Variants in KCNQ5 observed in about 807,000 individuals in gnomAD.
The protein encoded by KCNQ5 is potassium voltage-gated channel subfamily KQT member 5.
Under a neutral mutation model 98.2 loss-of-function variants are expected in KCNQ5, and 30 were observed. The ratio of observed to expected loss-of-function variants is 0.31; its 90% CI spans 0.23 to 0.41. The LOEUF (loss-of-function observed/expected upper bound fraction) is 0.41. Ranked by LOEUF, KCNQ5 falls within the 10% of genes least tolerant of loss-of-function variation. KCNQ5 has a pLI of 1.00. For synonymous variants in KCNQ5, 458 were observed against 449.4 expected (o/e 1.02, Z -0.24); for missense variants, 835 against 1,182.5 (o/e 0.71, Z 4.31).
intron 10 of KCNQ5, chr6:73,157,735 C>T: frequency 1.3e-6 from 1 of 777,580 alleles, no homozygotes. Flanking sequence ...ATAGGGGTCC[C>T]GAGCGATGAA....
rs918993720 is a variant in KCNQ5, at chr6:73,198,411, A to C, written c.*2997A>C. 1 of 152,328 alleles carries C rather than the reference A, an allele frequency of 6.6e-6. No individual in the cohort carries two copies. Among genetic ancestry groups the C allele is most frequent in the East Asian group, 1.9e-4 (1 of 5,190 alleles). The allele number at this position is 152,328 out of a possible 1,614,324, so 9.4% of individuals were successfully genotyped here. On this transcript the variant is annotated 3_prime_UTR_variant, in exon 14 of 14. Coordinates refer to ENST00000370398, the MANE Select transcript of KCNQ5 (RefSeq NM_019842.4). ...TGCCTTTCTCACCTCCCATTGATTC[A>C]GTGATTCTGAAGTTCTTAATTTGCA...
intron 1 of KCNQ5, among the ~76,000 whole-genome samples, chr6:72,689,826 C>T (rs1582119272): frequency 6.9e-6 from 1 of 145,896 alleles, no homozygotes; most frequent in East Asian, 2.0e-4. Context: ...AAGTGAAAAA[C>T]AAAACAAAAA....
chr6:73,002,627 G>T (rs774790386), intron 1 of KCNQ5, among the ~76,000 whole-genome samples: 1 of 152,182 alleles, frequency 6.6e-6, no homozygotes, highest in Non-Finnish European at 1.5e-5. Context: ...AGGAATAAAT[G>T]TGGTGGGGTC....
intron 1 of KCNQ5, among the ~76,000 whole-genome samples, chr6:72,790,677 T>C (rs1283981569): frequency 6.6e-6 from 1 of 152,158 alleles, no homozygotes; most frequent in Non-Finnish European, 1.5e-5. Context: ...ATCAGATTGT[T>C]TGTAACACAA....
chr6:72,823,206 CAT>C (rs1183671965), intron 1 of KCNQ5, among the ~76,000 whole-genome samples: 43 of 152,036 alleles, frequency 2.8e-4, no homozygotes, highest in African/African-American at 1.0e-3. Flanking sequence ...TGAAAATAAA[CAT>C]GTTAATATTT....
intron 1 of KCNQ5, among the ~76,000 whole-genome samples, chr6:72,646,012 A>G (rs1366503286): frequency 2.0e-5 from 3 of 152,130 alleles, no homozygotes; most frequent in African/African-American, 4.8e-5. Context: ...AGCTGAAGCC[A>G]AGCTGACTGA....
intron 5 of KCNQ5, among the ~76,000 whole-genome samples, chr6:73,090,229 T>G (rs1242165354): frequency 6.6e-6 from 1 of 152,156 alleles, no homozygotes. Context: ...TGTCTATTCA[T>G]GTCCTTAGCC....
intron 1 of KCNQ5, among the ~76,000 whole-genome samples, chr6:72,821,920 A>G (rs1775771157): frequency 6.6e-6 from 1 of 152,000 alleles, no homozygotes; most frequent in African/African-American, 2.4e-5. Flanking sequence ...ATGAACCAGG[A>G]TCAAGGAGTT....
At chr6:73,100,530 G>T (rs1348949824) in intron 5 of KCNQ5, among the ~76,000 whole-genome samples, 3 of 151,760 alleles carry the variant, frequency 2.0e-5, no homozygotes, top group Non-Finnish European at 2.9e-5. Context: ...ATAGCTGGGC[G>T]TGGTGGCAGG....
intron 1 of KCNQ5, among the ~76,000 whole-genome samples, chr6:72,793,191 A>G (rs750731047): frequency 2.0e-4 from 30 of 152,230 alleles, no homozygotes; most frequent in Non-Finnish European, 3.5e-4. Flanking sequence ...CATTTTGCAA[A>G]TAAACACAAA....
At chr6:72,816,640 C>T (rs374340462) in intron 1 of KCNQ5, among the ~76,000 whole-genome samples, 9 of 152,224 alleles carry the variant, frequency 5.9e-5, no homozygotes, top group African/African-American at 9.6e-5. Context: ...TCTAGATTAA[C>T]GTAACAATTA....
intron 10 of KCNQ5, among the ~76,000 whole-genome samples, chr6:73,151,755 T>C (rs1777160252): frequency 6.6e-6 from 1 of 152,252 alleles, no homozygotes. Flanking sequence ...GCCATTATCT[T>C]TTGAATTCCC....
Position 72,622,266 on chromosome 6 carries a change from C to CG in KCNQ5, c.79dup (p.Ala27GlyfsTer73). ...GTGAAGAGCGGCGCAGCGGCGGCGG[C>CG]GGCGGGCGGGGGGCGCTTGGGCAGC... is the stretch of plus-strand genomic sequence containing the variant. On this transcript the variant is annotated frameshift_variant, in exon 1 of 14. Transcript: ENST00000370398. LOFTEE classifies it high-confidence loss of function. This position sits in a 1 kb window ranked among gnomAD's most constrained non-coding sequence, Gnocchi z 6.0. 7.9e-7 allele frequency: 1 copy of CG among 1,269,156 alleles called. No homozygotes were observed. Among genetic ancestry groups the CG allele is most frequent in the Non-Finnish European group, 9.9e-7 (1 of 1,011,572 alleles). The allele number at this position is 1,269,156 out of a possible 1,614,324, so 78.6% of individuals were successfully genotyped here.
intron 1 of KCNQ5, among the ~76,000 whole-genome samples, chr6:72,938,927 C>T (rs1766090920): frequency 1.3e-5 from 2 of 152,098 alleles, no homozygotes. Context: ...ACGTTAAATA[C>T]TTCTAACATT....
At chr6:72,695,208 G>A (rs527457430) in intron 1 of KCNQ5, among the ~76,000 whole-genome samples, 4 of 152,234 alleles carry the variant, frequency 2.6e-5, no homozygotes, top group South Asian at 2.1e-4. Context: ...GACAACTGCC[G>A]TCAAGATATT....
intron 1 of KCNQ5, among the ~76,000 whole-genome samples, chr6:72,922,794 C>CTTTCTTTCTT (rs1554186019): frequency 1.8e-5 from 2 of 113,930 alleles, no homozygotes; most frequent in South Asian, 2.8e-4. Context: ...ACCTTTCTTT[C>CTTTCTTTCTT]TTTCTTTTTC....
intron 5 of KCNQ5, 120 bp from the exon 6 acceptor site, chr6:73,105,137 A>G: frequency 1.8e-6 from 1 of 554,736 alleles, no homozygotes; most frequent in Non-Finnish European, 3.2e-6. Context: ...ACAGTAATAA[A>G]AAGCACGAAC....
chr6:73,046,017 GATAAA>G (rs1562145620), intron 3 of KCNQ5, among the ~76,000 whole-genome samples: 1 of 151,878 alleles, frequency 6.6e-6, no homozygotes. Flanking sequence ...ATCCTACGTG[GATAAA>G]ATAAAATTGA....
At chr6:72,882,250 A>T (rs999285944) in intron 1 of KCNQ5, among the ~76,000 whole-genome samples, 29 of 152,218 alleles carry the variant, frequency 1.9e-4, no homozygotes, top group African/African-American at 6.8e-4. Flanking sequence ...CCCAATTTAA[A>T]TTTTAAAAGA....
Sources: allele counts gnomAD v4.1 joint callset (sites outside exome capture counted in the v4.1 genomes callset), GRCh38; gene constraint gnomAD v4.1.1; non-coding constraint Gnocchi (gnomAD v3.1); transcripts MANE v1.5; gene names NCBI Gene and HGNC (gene_info 2026-07-23, HGNC 2026-07-21).